EYA1: variants seen among roughly 807,000 people sequenced by gnomAD.
EYA1 encodes the protein EYA transcriptional coactivator and phosphatase 1, also known as protein phosphatase EYA1.
In EYA1, 16 loss-of-function variants were observed where a neutral mutation model predicts 82.0. The observed-to-expected ratio is 0.20, with a 90% confidence interval of 0.13 to 0.30. The LOEUF is 0.30. Ranked by LOEUF, EYA1 falls within the 10% of genes least tolerant of loss-of-function variation. EYA1 has a pLI of 1.00. For synonymous variants in EYA1, 261 were observed against 264.4 expected (o/e 0.99, Z 0.12); for missense variants, 633 against 730.7 (o/e 0.87, Z 1.54).
chr8:71,300,337 G>A (rs1820069865), intron 7 of EYA1, among the ~76,000 whole-genome samples: 2 of 152,172 alleles, frequency 1.3e-5, no homozygotes, highest in African/African-American at 4.8e-5. Context: ...ACAATGAACA[G>A]TAGGCGCTGT....
chr8:71,282,752 A>ATCC (rs1254284808), intron 9 of EYA1, among the ~76,000 whole-genome samples: 1 of 152,060 alleles, frequency 6.6e-6, no homozygotes, highest in Non-Finnish European at 1.5e-5. Context: ...TGGTTAACTC[A>ATCC]TCCACACACA....
At chr8:71,396,531 G>C (rs921930491) in intron 2 of EYA1, among the ~76,000 whole-genome samples, 5 of 152,132 alleles carry the variant, frequency 3.3e-5, no homozygotes, top group African/African-American at 1.2e-4. Flanking sequence ...CTTTATTTCT[G>C]CCTTCATTTC....
At chr8:71,428,708 A>C (rs928938461) in intron 2 of EYA1, among the ~76,000 whole-genome samples, 20 of 152,188 alleles carry the variant, frequency 1.3e-4, no homozygotes, top group African/African-American at 4.3e-4. Context: ...TGTTCATTAA[A>C]GTGTCCTAAC....
At chr8:71,353,653 T>C (rs1349981810) in intron 3 of EYA1, among the ~76,000 whole-genome samples, 1 of 152,226 alleles carries the variant, frequency 6.6e-6, no homozygotes, top group Non-Finnish European at 1.5e-5. Flanking sequence ...TTCCTATTAT[T>C]AAAAATTACA....
At chr8:71,235,229 T>C (rs974391057) in intron 12 of EYA1, among the ~76,000 whole-genome samples, 7 of 152,228 alleles carry the variant, frequency 4.6e-5, no homozygotes, top group African/African-American at 1.7e-4. Flanking sequence ...TAAACACTAT[T>C]CTATCATGTC....
At chr8:71,370,787 T>A (rs75738688) in intron 2 of EYA1, among the ~76,000 whole-genome samples, 11 of 136,528 alleles carry the variant, frequency 8.1e-5, no homozygotes, top group African/African-American at 2.5e-4. Flanking sequence ...TGCCTAGCTA[T>A]TTTTTTTTTT....
chr8:71,321,899 GA>G lies in EYA1; in HGVS notation c.273-21del. On this transcript the variant is annotated intron_variant, in intron 5 of 17. Coordinates refer to ENST00000340726, the MANE Select transcript of EYA1 (RefSeq NM_000503.6). ...GGTCTGCTATTTGTCAGAAATGACA[GA>G]AAATAGAAAGCCCATGCATTAGATG... 6 of 1,614,220 alleles carry G rather than the reference GA, an allele frequency of 3.7e-6. No homozygotes were observed. Among genetic ancestry groups the G allele is most frequent in the Non-Finnish European group, 4.2e-6 (5 of 1,180,018 alleles).
chr8:71,410,524 A>G (rs750486457), intron 2 of EYA1, among the ~76,000 whole-genome samples: 6,939 of 102,704 alleles, frequency 0.068, 86 homozygotes, highest in Middle Eastern at 0.13. Flanking sequence ...AAGCAACTTC[A>G]GCAAAGTCTC....
chr8:71,385,052 C>T (rs1039997423), intron 2 of EYA1, among the ~76,000 whole-genome samples: 2 of 151,800 alleles, frequency 1.3e-5, no homozygotes, highest in African/African-American at 4.8e-5. Flanking sequence ...CTCTGTCACC[C>T]AGGCTGGAGT....
intron 12 of EYA1, among the ~76,000 whole-genome samples, chr8:71,225,497 A>C (rs1237677192): frequency 6.6e-6 from 1 of 152,222 alleles, no homozygotes; most frequent in Non-Finnish European, 1.5e-5. Flanking sequence ...AAAAAACAAA[A>C]GGAGTTTTGA....
intron 9 of EYA1, among the ~76,000 whole-genome samples, chr8:71,285,183 C>G (rs1345928928): frequency 1.3e-5 from 2 of 152,150 alleles, no homozygotes; most frequent in East Asian, 3.9e-4. Flanking sequence ...AATTAGGGAA[C>G]CAGGGGATGC....
intron 2 of EYA1, among the ~76,000 whole-genome samples, chr8:71,533,055 A>G (rs1359656776): frequency 6.6e-6 from 1 of 152,226 alleles, no homozygotes; most frequent in Non-Finnish European, 1.5e-5. Context: ...ATGAACTTTT[A>G]GAACAGGCAA....
At chr8:71,254,459 T>C (rs917663277) in intron 11 of EYA1, among the ~76,000 whole-genome samples, 4 of 152,018 alleles carry the variant, frequency 2.6e-5, no homozygotes, top group African/African-American at 9.7e-5. Flanking sequence ...TAAAAAGGGA[T>C]TGAGTGAGAA....
intron 12 of EYA1, among the ~76,000 whole-genome samples, chr8:71,241,198 A>G (rs995858667): frequency 1.3e-5 from 2 of 152,056 alleles, no homozygotes; most frequent in Non-Finnish European, 2.9e-5. Context: ...TACAGAAAAC[A>G]TTTTTTTCTC....
chr8:71,283,083 A>G (rs6989867), intron 9 of EYA1, among the ~76,000 whole-genome samples: 36,029 of 151,850 alleles, frequency 0.24, 4,679 homozygotes, highest in Admixed American at 0.29. Context: ...TCTCATGCCC[A>G]CAAGGCCTTC....
At chr8:71,327,213 C>A (rs745955534) in intron 4 of EYA1, among the ~76,000 whole-genome samples, 1 of 152,212 alleles carries the variant, frequency 6.6e-6, no homozygotes, top group Non-Finnish European at 1.5e-5. Flanking sequence ...TTCCCACTGC[C>A]TAGAACATTG....
At chr8:71,245,220 T>C (rs1389793977) in intron 11 of EYA1, among the ~76,000 whole-genome samples, 1 of 152,044 alleles carries the variant, frequency 6.6e-6, no homozygotes, top group African/African-American at 2.4e-5. Flanking sequence ...TAACACTATG[T>C]TTTAAGTGAT....
intron 1 of EYA1, chr8:71,547,435 T>G (rs2129297281): frequency 6.6e-6 from 1 of 152,408 alleles, no homozygotes; most frequent in East Asian, 1.9e-4. Context: ...CTTGGGCGGC[T>G]GCACCTCTCC....
intron 7 of EYA1, among the ~76,000 whole-genome samples, chr8:71,304,471 C>CA (rs1400814976): frequency 7.0e-6 from 1 of 142,476 alleles, no homozygotes; most frequent in Non-Finnish European, 1.6e-5. Context: ...GACAAACTGC[C>CA]TCAGAGTCAT....
Sources: allele counts gnomAD v4.1 joint callset (sites outside exome capture counted in the v4.1 genomes callset), GRCh38; gene constraint gnomAD v4.1.1; transcripts MANE v1.5; gene names NCBI Gene and HGNC (gene_info 2026-07-23, HGNC 2026-07-21).